The following CELF2 variants were observed in gnomAD, a reference collection of about 807,000 sequenced individuals.
CELF2 encodes CUG triplet repeat RNA-binding protein 2.
In CELF2, 8 loss-of-function variants were observed where a neutral mutation model predicts 62.6. The ratio of observed to expected loss-of-function variants is 0.13; its 90% CI spans 0.07 to 0.23. CELF2 has a LOEUF of 0.23. Among genes scored for constraint, CELF2 ranks in the 10% least tolerant of loss-of-function variants. The probability of loss-of-function intolerance (pLI) is 1.00; values close to 1 mark genes in which losing one functional copy is unlikely to be tolerated. For missense variants in CELF2, 333 were observed against 671.0 expected (o/e 0.50, Z 5.56); for synonymous variants, 258 against 250.0 (o/e 1.03, Z -0.30).
chr10:10,474,776 T>C, the CELF2 span, among the ~76,000 whole-genome samples: 25 of 152,214 alleles, frequency 1.6e-4, no homozygotes, highest in Admixed American at 1.3e-3. Flanking sequence ...TTGCTGTGAC[T>C]GTTCTACGGA....
intron 1 of CELF2, among the ~76,000 whole-genome samples, chr10:11,114,973 A>C (rs1439281743): frequency 6.6e-6 from 1 of 152,230 alleles, no homozygotes; most frequent in African/African-American, 2.4e-5. Flanking sequence ...AACATGTAGT[A>C]TATGTACCTT....
At chr10:11,168,546 G>A (rs927772571) in intron 2 of CELF2, among the ~76,000 whole-genome samples, 3 of 152,194 alleles carry the variant, frequency 2.0e-5, no homozygotes, top group African/African-American at 2.4e-5. Flanking sequence ...AGACTTTGTC[G>A]GCAGAGTACA....
the CELF2 span, among the ~76,000 whole-genome samples, chr10:10,748,856 A>G: frequency 6.6e-6 from 1 of 151,782 alleles, no homozygotes; most frequent in Non-Finnish European, 1.5e-5. Context: ...GACTTGGATC[A>G]GGTGGTGGTT....
At chr10:10,516,734 T>TAA in the CELF2 span, among the ~76,000 whole-genome samples, 167 of 141,282 alleles carry the variant, frequency 1.2e-3, no homozygotes, top group East Asian at 9.1e-3. Context: ...TCAGCATCAT[T>TAA]AAAAAAAAAA....
intron 1 of CELF2, among the ~76,000 whole-genome samples, chr10:10,859,041 G>A (rs1408312143): frequency 6.6e-6 from 1 of 152,054 alleles, no homozygotes; most frequent in African/African-American, 2.4e-5. Flanking sequence ...GACTTTCAGA[G>A]GACAAATTCA....
Position 11,156,552 on chromosome 10 carries a change from C to G in CELF2, c.75-8934C>G, listed in dbSNP as rs986240820. On this transcript the variant is annotated intron_variant, in intron 1 of 12. Coordinates refer to ENST00000633077, the MANE Select transcript of CELF2 (RefSeq NM_001326342.2). This position sits in a 1 kb window ranked among gnomAD's most constrained non-coding sequence, Gnocchi z 4.3. ...GCTTACTTATTTGCCTATTTCATGC[C>G]CACTCTAGAATATAACTCCGTGAAG... Among the ~76,000 whole-genome samples, 7 of 152,166 alleles carry G rather than the reference C, an allele frequency of 4.6e-5. No individual in the cohort carries two copies. Among genetic ancestry groups the G allele is most frequent in the African/African-American group, 1.7e-4 (7 of 41,480 alleles).
the CELF2 span, among the ~76,000 whole-genome samples, chr10:10,676,887 T>C: frequency 6.6e-6 from 1 of 152,208 alleles, no homozygotes; most frequent in Non-Finnish European, 1.5e-5. Context: ...TTTAGACTCT[T>C]AATAACCAAG....
At chr10:10,848,491 G>A (rs1387243881) in intron 1 of CELF2, among the ~76,000 whole-genome samples, 2 of 152,116 alleles carry the variant, frequency 1.3e-5, no homozygotes, top group African/African-American at 4.8e-5. Context: ...AATTAAAGAT[G>A]GGTTTACGTT....
At chr10:10,694,378 ACTTT>A in the CELF2 span, among the ~76,000 whole-genome samples, 8 of 150,440 alleles carry the variant, frequency 5.3e-5, no homozygotes, top group African/African-American at 2.0e-4. Context: ...TCTGAGAGAT[ACTTT>A]GTTATAATTT....
At chr10:11,120,379 G>A (rs536532513) in intron 1 of CELF2, among the ~76,000 whole-genome samples, 3 of 152,184 alleles carry the variant, frequency 2.0e-5, no homozygotes, top group East Asian at 3.9e-4. Flanking sequence ...GCTGGGTTTT[G>A]CTCCTTAGTT....
At chr10:10,866,607 CAAAAAAA>C (rs55875778) in intron 1 of CELF2, among the ~76,000 whole-genome samples, 25 of 52,508 alleles carry the variant, frequency 4.8e-4, no homozygotes, top group African/African-American at 1.3e-3. Flanking sequence ...TCCATCCTCT[CAAAAAAA>C]AAAAAAAAAA....
At chr10:11,261,684 T>C (rs976419821) in intron 5 of CELF2, among the ~76,000 whole-genome samples, 18 of 152,162 alleles carry the variant, frequency 1.2e-4, no homozygotes, top group Admixed American at 1.3e-4. Flanking sequence ...TGCCATCTTC[T>C]CTAATTTGGA....
rs80026087 is a variant in CELF2 at position 11,152,424 on chromosome 10, A to T, written c.75-13062A>T. ...AAACAGTTGTTAAATAAAAAAAAAA[A>T]ATCTGGTGGGAAAGATTAAATAATG... On this transcript the variant is annotated intron_variant, in intron 1 of 12. Coordinates refer to ENST00000633077, the MANE Select transcript of CELF2 (RefSeq NM_001326342.2). 3.6e-3 allele frequency among the ~76,000 whole-genome samples: 553 copies of T among 152,284 alleles called. 2 individuals are homozygous for T. Among genetic ancestry groups the T allele is most frequent in the African/African-American group, 0.013 (532 of 41,546 alleles).
At chr10:10,801,085 AC>A (rs2054615285) in intron 1 of CELF2, among the ~76,000 whole-genome samples, 1 of 152,050 alleles carries the variant, frequency 6.6e-6, no homozygotes, top group Non-Finnish European at 1.5e-5. Flanking sequence ...TAAAAAAAAA[AC>A]AGTGAGAATG....
chr10:10,758,045 C>A, the CELF2 span, among the ~76,000 whole-genome samples: 7 of 152,312 alleles, frequency 4.6e-5, no homozygotes, highest in Admixed American at 1.3e-4. Context: ...TATTGACAGA[C>A]CTATCAGCAA....
the CELF2 span, among the ~76,000 whole-genome samples, chr10:10,626,527 A>T: frequency 1.6e-4 from 25 of 152,280 alleles, no homozygotes; most frequent in Middle Eastern, 3.4e-3. Context: ...AAAAAAAAAG[A>T]TTACAAATAA....
the CELF2 span, among the ~76,000 whole-genome samples, chr10:10,685,153 C>T: frequency 6.6e-6 from 1 of 152,170 alleles, no homozygotes; most frequent in African/African-American, 2.4e-5. Context: ...TGATGATCCT[C>T]TGGGAACCAG....
chr10:10,841,647 G>A (rs889312226), intron 1 of CELF2, among the ~76,000 whole-genome samples: 1 of 151,478 alleles, frequency 6.6e-6, no homozygotes, highest in Non-Finnish European at 1.5e-5. Context: ...CTAACACCAT[G>A]CTGTCTTGAT....
At chr10:10,483,370 T>C in the CELF2 span, among the ~76,000 whole-genome samples, 2 of 152,306 alleles carry the variant, frequency 1.3e-5, no homozygotes, top group East Asian at 3.9e-4. Flanking sequence ...TGAAAGCACT[T>C]GGAAGATTTC....
Sources: allele counts gnomAD v4.1 joint callset (sites outside exome capture counted in the v4.1 genomes callset), GRCh38; gene constraint gnomAD v4.1.1; non-coding constraint Gnocchi (gnomAD v3.1); transcripts MANE v1.5; gene names NCBI Gene and HGNC (gene_info 2026-07-23, HGNC 2026-07-21).